Variants in SH3RF1 observed in about 807,000 individuals in gnomAD.
SH3RF1 encodes the protein E3 ubiquitin-protein ligase SH3RF1.
In SH3RF1, 32 loss-of-function variants were observed where a neutral mutation model predicts 74.0. The ratio of observed to expected loss-of-function variants is 0.43; its 90% CI spans 0.33 to 0.58. The LOEUF (loss-of-function observed/expected upper bound fraction) is 0.58. SH3RF1 is among the 20% of genes least tolerant of loss of function. The probability of loss-of-function intolerance (pLI) is 0.05; values close to 1 mark genes in which losing one functional copy is unlikely to be tolerated. For synonymous variants in SH3RF1, 396 were observed against 439.6 expected (o/e 0.90, Z 1.24); for missense variants, 954 against 1,130.9 (o/e 0.84, Z 2.24).
At chr4:169,242,074 A>T (rs1234476221) in intron 2 of SH3RF1, among the ~76,000 whole-genome samples, 1 of 152,166 alleles carries the variant, frequency 6.6e-6, no homozygotes, top group Non-Finnish European at 1.5e-5. Flanking sequence ...CTTTGGTGGG[A>T]AAGGAGGGAT....
intron 9 of SH3RF1, 150 bp downstream of exon 9, chr4:169,117,373 A>G: frequency 8.9e-7 from 1 of 1,118,712 alleles, no homozygotes; most frequent in Non-Finnish European, 1.3e-6. Flanking sequence ...AGCCCAAATA[A>G]GCAGATACAA....
Position 169,128,158 on chromosome 4 carries a change from C to T in SH3RF1, c.1179+1888G>A, listed in dbSNP as rs1381592821. Among the ~76,000 whole-genome samples the T allele has an allele frequency of 3.9e-5, 6 of 152,278 alleles. No individual in the cohort carries two copies. The South Asian group carries it at 1.2e-3, about 32-fold the overall frequency. On this transcript the variant is annotated intron_variant, in intron 6 of 11. Transcript: ENST00000284637. ...AGTTAGAATTTTATCATGCAAGGCA[C>T]TCATCTGGAAATGAAAATATCAACT... is the stretch of plus-strand genomic sequence containing the variant.
At chr4:169,114,447 C>A (rs1175318407) in intron 10 of SH3RF1, among the ~76,000 whole-genome samples, 1 of 152,192 alleles carries the variant, frequency 6.6e-6, no homozygotes, top group African/African-American at 2.4e-5. Flanking sequence ...CCTGCAAGGT[C>A]CTTTTGGCCA....
At position 169,095,886 on chromosome 4, in the gene SH3RF1, T is replaced by C. The variant is rs181404927; in HGVS notation, c.*633A>G. On this transcript the variant is annotated 3_prime_UTR_variant, in exon 12 of 12. Coordinates refer to ENST00000284637, the MANE Select transcript of SH3RF1 (RefSeq NM_020870.4). Reference sequence around the variant, plus strand: ...AAAGAGAGGGAATCACTAACTTCTCTTCTCTCAAGTTTCTGTCTCTCTACC... The same window carrying C: ...AAAGAGAGGGAATCACTAACTTCTCCTCTCTCAAGTTTCTGTCTCTCTACC... The C allele has an allele frequency of 3.9e-5, 6 of 152,348 alleles. No individual in the cohort carries two copies. The highest frequency in any genetic ancestry group is 1.4e-4 in the African/African-American group (6 of 41,582). The allele number at this position is 152,348 out of a possible 1,614,324, so 9.4% of individuals were successfully genotyped here. A position where few individuals can be genotyped will look rare whatever the true frequency, so the allele number is the denominator to read the frequency against.
At chr4:169,250,774 G>GC (rs918361379) in intron 2 of SH3RF1, among the ~76,000 whole-genome samples, 3 of 152,112 alleles carry the variant, frequency 2.0e-5, no homozygotes, top group African/African-American at 7.2e-5. Flanking sequence ...ACAAAGCAGT[G>GC]CAAGGCTAGA....
chr4:169,140,778 T>C (rs1157904076), intron 4 of SH3RF1, among the ~76,000 whole-genome samples: 1 of 152,122 alleles, frequency 6.6e-6, no homozygotes, highest in East Asian at 1.9e-4. Flanking sequence ...ATAGTTACTA[T>C]TTTATAGGAA....
intron 7 of SH3RF1, 118 bp downstream of exon 7, chr4:169,121,982 C>T (rs1345741263): frequency 1.8e-5 from 24 of 1,352,044 alleles, no homozygotes; most frequent in South Asian, 4.3e-5. Flanking sequence ...GGACACAGAC[C>T]GCTTGGTGAG....
intron 2 of SH3RF1, among the ~76,000 whole-genome samples, chr4:169,257,793 GCAAGCAAAC>G (rs1731216127): frequency 6.6e-6 from 1 of 152,184 alleles, no homozygotes; most frequent in Non-Finnish European, 1.5e-5. Flanking sequence ...ATGAGATCTA[GCAAGCAAAC>G]CAGCCCTATT....
At chr4:169,202,301 G>A (rs773566994) in intron 2 of SH3RF1, among the ~76,000 whole-genome samples, 22 of 152,030 alleles carry the variant, frequency 1.4e-4, no homozygotes, top group Non-Finnish European at 8.8e-5. Flanking sequence ...ACCTCCCTCC[G>A]TAGGAGGCTA....
rs1733157536 is a variant in SH3RF1 at position 169,107,052 on chromosome 4, C to G, written c.2293G>C (p.Gly765Arg). Reference protein sequence around the residue: ...GAVGPELPPGGGHGRAGSCPV... With the variant: ...GAVGPELPPGRGHGRAGSCPV... ...CAGGAGCCTGCCCTGCCATGGCCAC[C>G]TCCTGGTGGCAGTTCGGGCCCCACC... The change falls in exon 11 of 12, where the codon GGT becomes CGT. Residue 765 changes from glycine (G) to arginine (R), a missense_variant. Physicochemically the swap from Gly to Arg is moderately radical, Grantham distance 125. This residue lies in a region of SH3RF1 where 854 missense variants were observed against 962.5 expected (regional missense o/e 0.89). Coordinates refer to ENST00000284637, the MANE Select transcript of SH3RF1 (RefSeq NM_020870.4). The G allele has an allele frequency of 6.2e-7, 1 of 1,614,008 alleles. No individual in the cohort carries two copies. The highest frequency in any genetic ancestry group is 1.1e-5 in the South Asian group (1 of 91,080).
At chr4:169,212,129 A>G (rs1395801060) in intron 2 of SH3RF1, among the ~76,000 whole-genome samples, 2 of 129,094 alleles carry the variant, frequency 1.5e-5, no homozygotes, top group African/African-American at 6.1e-5. Context: ...CAATGGCACG[A>G]TATCAGCTCA....
At chr4:169,117,881 G>A in intron 8 of SH3RF1, 99 bp from the exon 9 acceptor site, 1 of 1,367,308 alleles carries the variant, frequency 7.3e-7, no homozygotes, top group Admixed American at 2.6e-5. Flanking sequence ...TTTAAACATA[G>A]AACATTTTAA....
chr4:169,190,371 A>G (rs2126984083), intron 2 of SH3RF1, among the ~76,000 whole-genome samples: 1 of 152,292 alleles, frequency 6.6e-6, no homozygotes, highest in African/African-American at 2.4e-5. Flanking sequence ...TAAGCTCAAT[A>G]AGAAACAAAA....
intron 2 of SH3RF1, among the ~76,000 whole-genome samples, chr4:169,194,120 C>CA (rs1734771462): frequency 6.6e-6 from 1 of 152,146 alleles, no homozygotes; most frequent in Non-Finnish European, 1.5e-5. Context: ...GACACATACT[C>CA]AGAGTGTATG....
At chr4:169,215,287 AT>A (rs1267588378) in intron 2 of SH3RF1, among the ~76,000 whole-genome samples, 1 of 152,228 alleles carries the variant, frequency 6.6e-6, no homozygotes, top group East Asian at 1.9e-4. Flanking sequence ...CCAGCCTTGC[AT>A]ACTTAGGATA....
At chr4:169,111,498 CA>C (rs1434409158) in intron 10 of SH3RF1, among the ~76,000 whole-genome samples, 8 of 151,472 alleles carry the variant, frequency 5.3e-5, no homozygotes, top group Non-Finnish European at 1.0e-4. Context: ...CTTCTGGCCT[CA>C]AGTGATCTGC....
At position 169,116,421 on chromosome 4, in the gene SH3RF1, G is replaced by A. The variant is rs3811813; in HGVS notation, c.1987C>T (p.Pro663Ser). 0.13 allele frequency: 208,294 copies of A among 1,614,054 alleles called. 14,692 individuals are homozygous for A. Among genetic ancestry groups the A allele is most frequent in the South Asian group, 0.17 (15,714 of 91,068 alleles). The change falls in exon 10 of 12, where the codon CCA becomes TCA. Residue 663 changes from proline (P) to serine (S), a missense_variant. Transcript: ENST00000284637. ...SAPLACAAAAPLTSPSITSAS... is the reference protein window; with the variant it reads ...SAPLACAAAASLTSPSITSAS... ...CTGGTGATGCTTGGGGAAGTCAGTG[G>A]AGCAGCTGCTGCACAGGCCAGAGGG... is the stretch of plus-strand genomic sequence containing the variant.
intron 2 of SH3RF1, among the ~76,000 whole-genome samples, chr4:169,249,214 C>G (rs539421446): frequency 4.6e-5 from 7 of 151,836 alleles, no homozygotes; most frequent in African/African-American, 1.5e-4. Flanking sequence ...GGCAACAGAG[C>G]GAGACTCCGT....
chr4:169,122,531 A>G (rs1733458906), intron 6 of SH3RF1, among the ~76,000 whole-genome samples: 1 of 152,186 alleles, frequency 6.6e-6, no homozygotes, highest in African/African-American at 2.4e-5. Flanking sequence ...AGGGAAAGAA[A>G]AAAAATGAAA....
Sources: allele counts gnomAD v4.1 joint callset (sites outside exome capture counted in the v4.1 genomes callset), GRCh38; gene constraint gnomAD v4.1.1; regional missense constraint gnomAD v4.1.1; transcripts MANE v1.5; gene names NCBI Gene and HGNC (gene_info 2026-07-23, HGNC 2026-07-21).